Variants in MACROD2 observed in about 807,000 individuals in gnomAD.
MACROD2 encodes the protein mono-ADP ribosylhydrolase 2.
MACROD2 carries 36 observed loss-of-function variants against 70.4 expected under a neutral mutation model. That is an observed-to-expected ratio of 0.51 (90% CI 0.39 to 0.68). The LOEUF is 0.68. Ranked by LOEUF, MACROD2 falls within the 30% of genes least tolerant of loss-of-function variation. The probability of loss-of-function intolerance (pLI) is 0.00; values close to 1 mark genes in which losing one functional copy is unlikely to be tolerated. For missense variants in MACROD2, 496 were observed against 538.4 expected (o/e 0.92, Z 0.78); for synonymous variants, 172 against 178.8 (o/e 0.96, Z 0.30).
intron 5 of MACROD2, chr20:14,893,512 G>T (rs1213376903): frequency 6.6e-6 from 1 of 151,906 alleles, no homozygotes; most frequent in Non-Finnish European, 1.5e-5. Context: ...AAAAAAACTT[G>T]TTTCTTCAGA....
At chr20:15,063,671 A>G (rs1191587318) in intron 5 of MACROD2, among the ~76,000 whole-genome samples, 3 of 152,232 alleles carry the variant, frequency 2.0e-5, no homozygotes, top group African/African-American at 7.2e-5. Context: ...GTGTTTAGCC[A>G]GCCACACATA....
intron 5 of MACROD2, among the ~76,000 whole-genome samples, chr20:15,028,492 G>A (rs950936973): frequency 4.6e-5 from 7 of 152,172 alleles, no homozygotes; most frequent in African/African-American, 1.7e-4. Flanking sequence ...GCACCTACTG[G>A]ATGTCACCTT....
chr20:15,225,725 A>G (rs1357030006), intron 5 of MACROD2, among the ~76,000 whole-genome samples: 1 of 152,184 alleles, frequency 6.6e-6, no homozygotes, highest in South Asian at 2.1e-4. Context: ...CTAGCATTTC[A>G]TAGTATAAAT....
At chr20:15,892,601 A>C (rs1289690454) in intron 10 of MACROD2, among the ~76,000 whole-genome samples, 19 of 152,214 alleles carry the variant, frequency 1.2e-4, no homozygotes, top group Non-Finnish European at 2.9e-5. Flanking sequence ...GAAATCGAAC[A>C]CTCTTGGAGG....
intron 8 of MACROD2, among the ~76,000 whole-genome samples, chr20:15,827,707 A>G (rs1368872699): frequency 6.6e-6 from 1 of 152,222 alleles, no homozygotes; most frequent in African/African-American, 2.4e-5. Flanking sequence ...AGTTATCAGC[A>G]TGAACTAAAC....
At chr20:15,214,569 A>G (rs2076792497) in intron 5 of MACROD2, among the ~76,000 whole-genome samples, 1 of 152,198 alleles carries the variant, frequency 6.6e-6, no homozygotes, top group Non-Finnish European at 1.5e-5. Flanking sequence ...TAAAAAGAAC[A>G]TTAAAATGCA....
intron 7 of MACROD2, among the ~76,000 whole-genome samples, chr20:15,498,253 G>C (rs1356850325): frequency 9.9e-5 from 15 of 152,198 alleles, no homozygotes; most frequent in Non-Finnish European, 4.4e-5. Flanking sequence ...GACAATATCT[G>C]TCTTTTTCTT....
chr20:14,497,034 G>C (rs985139738), intron 4 of MACROD2, among the ~76,000 whole-genome samples: 2 of 151,726 alleles, frequency 1.3e-5, no homozygotes, highest in Non-Finnish European at 2.9e-5. Context: ...CCTTGCCCTG[G>C]CACTGTGGTT....
chr20:15,837,069 G>T (rs2064122141), intron 8 of MACROD2, among the ~76,000 whole-genome samples: 1 of 151,980 alleles, frequency 6.6e-6, no homozygotes, highest in Admixed American at 6.6e-5. Flanking sequence ...ATATGTACTT[G>T]GTCTGCAGGC....
At chr20:15,812,168 G>T (rs867799358) in intron 8 of MACROD2, among the ~76,000 whole-genome samples, 1 of 152,158 alleles carries the variant, frequency 6.6e-6, no homozygotes, top group South Asian at 2.1e-4. Context: ...AATCAGGGCC[G>T]TCCCCCACCC....
intron 3 of MACROD2, among the ~76,000 whole-genome samples, chr20:14,414,933 T>G (rs1489858044): frequency 6.6e-6 from 1 of 151,960 alleles, no homozygotes; most frequent in African/African-American, 2.4e-5. Flanking sequence ...CTTTATGTTT[T>G]TTTTTTTTTC....
chr20:15,284,847 AC>A (rs1351726329), intron 6 of MACROD2, among the ~76,000 whole-genome samples: 1 of 152,182 alleles, frequency 6.6e-6, no homozygotes, highest in African/African-American at 2.4e-5. Context: ...GAATAACTAT[AC>A]CTATGGTTTT....
At chr20:14,071,880 G>T (rs7265848) in intron 2 of MACROD2, among the ~76,000 whole-genome samples, 11,095 of 151,894 alleles carry the variant, frequency 0.073, 1,130 homozygotes, top group African/African-American at 0.23. Context: ...GACCAGCCTG[G>T]GCAACTTAGT....
Position 14,349,674 on chromosome 20 carries a change from C to T in MACROD2, c.272-143805C>T, listed in dbSNP as rs550719914. Among the ~76,000 whole-genome samples the T allele has an allele frequency of 2.1e-4, 28 of 133,528 alleles. No individual in the cohort carries two copies. In the South Asian group the frequency reaches 5.9e-3, roughly 28 times the overall value. The allele number at this position is 133,528 out of a possible 152,430, so 87.6% of individuals were successfully genotyped here. On this transcript the variant is annotated intron_variant, in intron 3 of 17. Coordinates refer to ENST00000684519, the MANE Select transcript of MACROD2 (RefSeq NM_001351661.2). Reference sequence around the variant, plus strand: ...CTTTTATTCTCTGTCTACATGAATTCCATCGTTTTGATTTTGAAATTCCAC... The same window carrying T: ...CTTTTATTCTCTGTCTACATGAATTTCATCGTTTTGATTTTGAAATTCCAC...
intron 7 of MACROD2, among the ~76,000 whole-genome samples, chr20:15,477,107 T>TG (rs964197514): frequency 4.1e-5 from 6 of 147,460 alleles, no homozygotes; most frequent in African/African-American, 1.0e-4. Context: ...TAGTTTTTTT[T>TG]TTTTTTTTTT....
intron 3 of MACROD2, among the ~76,000 whole-genome samples, chr20:14,119,099 C>G (rs2054548788): frequency 6.7e-6 from 1 of 150,140 alleles, no homozygotes; most frequent in African/African-American, 2.4e-5. Context: ...CCACCTGCCT[C>G]AGCCTCCCAA....
rs116086271 is a variant in MACROD2, at chr20:14,764,452, G to C, written c.418+79493G>C. Among the ~76,000 whole-genome samples, 1,429 of 152,188 alleles carry C rather than the reference G, an allele frequency of 9.4e-3. 24 individuals carry two copies. The highest frequency in any genetic ancestry group is 0.032 in the African/African-American group (1,314 of 41,470). ...ATCTGAGGTGGATTGTTTCTTGCCA[G>C]ATTCCATGTGTCTTTTTTTGGTGCT... is the stretch of plus-strand genomic sequence containing the variant. On this transcript the variant is annotated intron_variant, in intron 5 of 17. Transcript: ENST00000684519.
chr20:14,840,876 A>G (rs1333083629), intron 5 of MACROD2, among the ~76,000 whole-genome samples: 2 of 152,094 alleles, frequency 1.3e-5, no homozygotes, highest in Admixed American at 1.3e-4. Flanking sequence ...TAAAGAGTGC[A>G]GGGCTAGTAT....
intron 8 of MACROD2, among the ~76,000 whole-genome samples, chr20:15,832,752 GCT>G (rs2064070689): frequency 6.6e-6 from 1 of 152,204 alleles, no homozygotes; most frequent in East Asian, 1.9e-4. Context: ...AATGGCACCT[GCT>G]CAGTCAAATC....
Sources: gnomAD v4.1 joint callset for allele counts (sites outside exome capture counted in the v4.1 genomes callset) on GRCh38, gnomAD v4.1.1 for gene constraint, MANE v1.5 for transcripts, NCBI Gene and HGNC (gene_info 2026-07-23, HGNC 2026-07-21) for gene names.